DENND4B: variants seen among roughly 807,000 people sequenced by gnomAD.
DENND4B encodes the protein DENN domain containing 4B, also known as DENN domain-containing protein 4B.
Under a neutral mutation model 161.0 loss-of-function variants are expected in DENND4B, and 67 were observed. That is an observed-to-expected ratio of 0.42 (90% CI 0.34 to 0.51). The LOEUF (loss-of-function observed/expected upper bound fraction) is 0.51. Among genes scored for constraint, DENND4B ranks in the 20% least tolerant of loss-of-function variants. The pLI is 0.08. For synonymous variants in DENND4B, 753 were observed against 813.8 expected (o/e 0.93, Z 1.27); for missense variants, 1,481 against 1,968.0 (o/e 0.75, Z 4.68).
rs954147614 is a variant in DENND4B at position 153,937,200 on chromosome 1, C to T, written c.2232+288G>A. ...CAGGCTGCAGCCCTGCCTGGAGCCC[C>T]GTGCAGAGAGGCTGGCCCTTGAGCA... On this transcript the variant is annotated intron_variant, in intron 15 of 27. Transcript: ENST00000361217. This position sits in a 1 kb window ranked among gnomAD's most constrained non-coding sequence, Gnocchi z 4.7. Among the ~76,000 whole-genome samples, 9 of 152,196 alleles carry T rather than the reference C, an allele frequency of 5.9e-5. No individual in the cohort carries two copies. Among genetic ancestry groups the T allele is most frequent in the Non-Finnish European group, 1.0e-4 (7 of 68,032 alleles).
chr1:153,946,842 G>A, upstream of DENND4B: 1 of 347,988 alleles, frequency 2.9e-6, no homozygotes, highest in Non-Finnish European at 5.2e-6. This position sits in a 1 kb window ranked among gnomAD's most constrained non-coding sequence, Gnocchi z 6.3. Flanking sequence ...AGAGGGCCGC[G>A]GCGCGCTCCC....
chr1:153,939,684 G>A lies in DENND4B; in HGVS notation c.1724C>T (p.Ala575Val). ...EVQGAFLRFMACLLKGYRVFL... is the reference protein window; with the variant it reads ...EVQGAFLRFMVCLLKGYRVFL... ...GACCCGGTAGCCCTTGAGCAGACAG[G>A]CCATGAAGCGGAGGAAGGCTCCTTG... Residue 575 changes from alanine (A) to valine (V), a missense_variant, in exon 12 of 28, where the codon GCC (alanine) becomes GTC (valine). Ala to Val is a moderately conservative substitution (Grantham distance 64). Around this residue, in one of 3 missense-constraint regions of DENND4B, gnomAD observed 806 missense variants for 1,134.4 expected, o/e 0.71. Transcript: ENST00000361217. 2 of 1,613,946 alleles carry A rather than the reference G, an allele frequency of 1.2e-6. No individual in the cohort carries two copies. The highest frequency in any genetic ancestry group is 1.7e-6 in the Non-Finnish European group (2 of 1,179,882).
At position 153,942,706 on chromosome 1, in the gene DENND4B, A is replaced by C. The variant is rs896108788; in HGVS notation, c.571-81T>G. ...GTCCACTTTCTCTCTACCACCCCTAAATGTTCTTTTGTCTTTAAAGCTCCC... is the reference window on the plus strand; with the variant it reads ...GTCCACTTTCTCTCTACCACCCCTACATGTTCTTTTGTCTTTAAAGCTCCC... On this transcript the variant is annotated intron_variant, in intron 3 of 27. Transcript: ENST00000361217. This position sits in a 1 kb window ranked among gnomAD's most constrained non-coding sequence, Gnocchi z 6.9. 1.3e-6 allele frequency: 2 copies of C among 1,487,344 alleles called. No homozygotes were observed. Among genetic ancestry groups the C allele is most frequent in the African/African-American group, 1.4e-5 (1 of 70,672 alleles). 92.1% of individuals were successfully genotyped at this position (1,487,344 alleles called of 1,614,324 possible). A position where few individuals can be genotyped will look rare whatever the true frequency, so the allele number is the denominator to read the frequency against.
At position 153,933,814 on chromosome 1, in the gene DENND4B, C is replaced by T. The variant is rs777622537; in HGVS notation, c.2999G>A (p.Gly1000Glu). The change falls in exon 20 of 28, where the codon GGA becomes GAA. Residue 1000 changes from glycine to glutamate, a missense_variant. Around this residue, in one of 3 missense-constraint regions of DENND4B, gnomAD observed 339 missense variants for 330.3 expected, o/e 1.03. Transcript: ENST00000361217. This position sits in a 1 kb window ranked among gnomAD's most constrained non-coding sequence, Gnocchi z 5.7. ...PRGSPVPWHD[G>E]SLSDLSLTGE... Reference sequence around the variant, plus strand: ...TGTCAGGCTCAGGTCTGAGAGACTTCCATCGTGCCAGGGCACAGGTGATCC... The same window carrying T: ...TGTCAGGCTCAGGTCTGAGAGACTTTCATCGTGCCAGGGCACAGGTGATCC... 3 of 1,613,062 alleles carry T rather than the reference C, an allele frequency of 1.9e-6. No homozygotes were observed. The Admixed American group carries it at 5.0e-5, about 27-fold the overall frequency.
Position 153,932,466 on chromosome 1 carries a change from G to A in DENND4B, c.3760-26C>T, listed in dbSNP as rs1234550288. The A allele has an allele frequency of 5.7e-6, 9 of 1,584,728 alleles. No homozygotes were observed. The Admixed American group carries it at 1.1e-4, about 19-fold the overall frequency. On this transcript the variant is annotated intron_variant, in intron 23 of 27. Coordinates refer to ENST00000361217, the MANE Select transcript of DENND4B (RefSeq NM_014856.3). The surrounding 1 kb of genome is among the most constrained non-coding windows in gnomAD (Gnocchi z 5.8). Reference sequence around the variant, plus strand: ...CTATCAGGCACAAAGGGGGAGGGCAGTAGAGGGCATGTACATCCCCAGAGC... The same window carrying A: ...CTATCAGGCACAAAGGGGGAGGGCAATAGAGGGCATGTACATCCCCAGAGC...
In DENND4B at chr1:153,942,758, G is replaced by T; in HGVS notation, c.570+120C>A. On this transcript the variant is annotated intron_variant, in intron 3 of 27. Coordinates refer to ENST00000361217, the MANE Select transcript of DENND4B (RefSeq NM_014856.3). This position sits in a 1 kb window ranked among gnomAD's most constrained non-coding sequence, Gnocchi z 6.9. ...TTAATCCCAGTGCCCCAAGACCAGA[G>T]TTACCCCTCTGGACTCACCCCTGTG... The T allele has an allele frequency of 1.3e-6, 2 of 1,482,764 alleles. No individual in the cohort carries two copies. Among genetic ancestry groups the T allele is most frequent in the South Asian group, 2.8e-5 (2 of 71,622 alleles). The allele number at this position is 1,482,764 out of a possible 1,614,324, so 91.9% of individuals were successfully genotyped here.
intron 17 of DENND4B, 116 bp from the exon 18 acceptor site, chr1:153,935,080 G>T: frequency 6.7e-7 from 1 of 1,500,458 alleles, no homozygotes; most frequent in African/African-American, 1.4e-5. Flanking sequence ...ATCCTGTCTA[G>T]GACTGTCCGG....
rs1177242127 is a variant in DENND4B at position 153,932,334 on chromosome 1, G to A, written c.3866C>T (p.Ala1289Val). 3.1e-6 allele frequency: 5 copies of A among 1,613,774 alleles called. No homozygotes were observed. The highest frequency in any genetic ancestry group is 1.1e-5 in the South Asian group (1 of 91,066). ...GTGGGCAGAGGGCAGTTCAGGCAAC[G>A]CCAGCACCTCACTGCCCTCGTTCTC... is the stretch of plus-strand genomic sequence containing the variant. ...LVENEGSEVL[A>V]LPELPSAHPI... The change falls in exon 24 of 28, where the codon GCG becomes GTG. Residue 1289 changes from alanine to valine, a missense_variant. Ala to Val is a moderately conservative substitution (Grantham distance 64). Around this residue, in one of 3 missense-constraint regions of DENND4B, gnomAD observed 336 missense variants for 503.3 expected, o/e 0.67. Coordinates refer to ENST00000361217, the MANE Select transcript of DENND4B (RefSeq NM_014856.3). The surrounding 1 kb of genome is among the most constrained non-coding windows in gnomAD (Gnocchi z 5.8).
rs1339409400 is a variant in DENND4B, at chr1:153,941,398, T to TGGGGA, written c.1093_1097dup (p.Gln367ProfsTer8). 3 of 1,613,160 alleles carry TGGGGA rather than the reference T, an allele frequency of 1.9e-6. No individual in the cohort carries two copies. The highest frequency in any genetic ancestry group is 2.5e-6 in the Non-Finnish European group (3 of 1,179,680). Reference sequence around the variant, plus strand: ...CCTGCACTAGGATGCGGGGTCTCTGTGGGGAAGGGAAGGGAACGTTGTGAA... The same window carrying TGGGGA: ...CCTGCACTAGGATGCGGGGTCTCTGTGGGGAGGGGAAGGGAAGGGAACGTTGTGAA... On this transcript the variant is annotated frameshift_variant, in exon 7 of 28. Coordinates refer to ENST00000361217, the MANE Select transcript of DENND4B (RefSeq NM_014856.3). LOFTEE classifies it high-confidence loss of function.
Position 153,933,676 on chromosome 1 carries a change from C to G in DENND4B, c.3137G>C (p.Arg1046Pro). Residue 1046 changes from arginine to proline, a missense_variant, in exon 20 of 28, where the codon CGA becomes CCA. Arg to Pro is a moderately radical substitution (Grantham distance 103). Coordinates refer to ENST00000361217, the MANE Select transcript of DENND4B (RefSeq NM_014856.3). This position sits in a 1 kb window ranked among gnomAD's most constrained non-coding sequence, Gnocchi z 5.7. ...TCGGGGGGTGCCTGCCTCATCCTGT[C>G]GCCCACCAGCCTTGGGTCCCCGCCC... ...LSGRGPKAGG[R>P]QDEAGTPRRG... The G allele has an allele frequency of 3.2e-6, 5 of 1,571,094 alleles. No homozygotes were observed. The highest frequency in any genetic ancestry group is 4.3e-6 in the Non-Finnish European group (5 of 1,159,470).
upstream of DENND4B, chr1:153,946,801 CG>C: frequency 2.8e-6 from 1 of 363,548 alleles, no homozygotes; most frequent in Non-Finnish European, 4.9e-6. The surrounding 1 kb of genome is among the most constrained non-coding windows in gnomAD (Gnocchi z 6.3). Context: ...CCATCCAGCC[CG>C]TGCCTCAGGA....
chr1:153,945,256 T>G (rs1571062462), intron 1 of DENND4B: 1 of 1,033,874 alleles, frequency 9.7e-7, no homozygotes, highest in Middle Eastern at 2.7e-4. Flanking sequence ...GCGTGGGGGG[T>G]GCTTCAGAGG....
chr1:153,937,332 T>C lies in DENND4B; in HGVS notation c.2232+156A>G, dbSNP rs1679404623. 2.0e-5 allele frequency among the ~76,000 whole-genome samples: 3 copies of C among 152,222 alleles called. 1 individual carries two copies. The South Asian group carries it at 6.2e-4, about 31-fold the overall frequency. On this transcript the variant is annotated intron_variant, in intron 15 of 27. Transcript: ENST00000361217. The surrounding 1 kb of genome is among the most constrained non-coding windows in gnomAD (Gnocchi z 4.7). ...TGACAGTGATAATAGCAACTAATGT[T>C]TATACAGGGTTGCTTATGTGCCAAG...
In DENND4B at chr1:153,933,341, T is replaced by C. The variant is rs1679085418; in HGVS notation, c.3331-22A>G. On this transcript the variant is annotated intron_variant, in intron 20 of 27. Transcript: ENST00000361217. The surrounding 1 kb of genome is among the most constrained non-coding windows in gnomAD (Gnocchi z 5.7). ...AGCTCTACCATGACATGAGAAACCA[T>C]GGTCAGCCAACCCCATGCTCTTCCA... The C allele has an allele frequency of 6.2e-7, 1 of 1,613,074 alleles. No individual in the cohort carries two copies. Among genetic ancestry groups the C allele is most frequent in the Non-Finnish European group, 8.5e-7 (1 of 1,179,628 alleles).
rs1679441844 is a variant in DENND4B at position 153,937,933 on chromosome 1, A to G, written c.1966-70T>C. 2 of 1,596,486 alleles carry G rather than the reference A, an allele frequency of 1.3e-6. No homozygotes were observed. Among genetic ancestry groups the G allele is most frequent in the Non-Finnish European group, 8.6e-7 (1 of 1,168,600 alleles). On this transcript the variant is annotated intron_variant, in intron 13 of 27. Coordinates refer to ENST00000361217, the MANE Select transcript of DENND4B (RefSeq NM_014856.3). This position sits in a 1 kb window ranked among gnomAD's most constrained non-coding sequence, Gnocchi z 4.7. ...GGAGCAGAGCCAGGGTGTCTAGACGATGGCATCTCCCAGGAAAGCTCATCC... is the reference window on the plus strand; with the variant it reads ...GGAGCAGAGCCAGGGTGTCTAGACGGTGGCATCTCCCAGGAAAGCTCATCC...
In DENND4B at chr1:153,933,189, A is replaced by C; in HGVS notation, c.3453+8T>G. ...CAAGCACATCTGTGTGGGAGGGGTT[A>C]TCCTCACTTCCAGGGAAGGTGACTG... On this transcript the variant is annotated splice_region_variant and intron_variant, in intron 21 of 27. Transcript: ENST00000361217. The surrounding 1 kb of genome is among the most constrained non-coding windows in gnomAD (Gnocchi z 5.7). The C allele has an allele frequency of 6.2e-7, 1 of 1,612,886 alleles. No individual in the cohort carries two copies. The highest frequency in any genetic ancestry group is 8.5e-7 in the Non-Finnish European group (1 of 1,179,470).
intron 11 of DENND4B, 50 bp from the exon 12 acceptor site, chr1:153,939,854 C>A: frequency 6.4e-7 from 1 of 1,571,178 alleles, no homozygotes. Context: ...ATAGTGTTAC[C>A]CTCAACTCTG....
At position 153,934,871 on chromosome 1, in the gene DENND4B, G is replaced by A. The variant is rs530088376; in HGVS notation, c.2662C>T (p.Arg888Cys). The A allele has an allele frequency of 1.8e-5, 29 of 1,613,622 alleles. No individual in the cohort carries two copies. Among genetic ancestry groups the A allele is most frequent in the Middle Eastern group, 3.3e-4 (2 of 6,060 alleles). ...RNVVLGAAQF[R>C]QPLRERQQQQ... ...TGTTGCCGTTCTCTCAAGGGCTGGC[G>A]GAACTGAGCAGCCCCCAGGACAACA... The change falls in exon 18 of 28, where the codon CGC becomes TGC. Residue 888 changes from arginine to cysteine, a missense_variant. Arg to Cys is a radical substitution (Grantham distance 180, BLOSUM62 -3). Around this residue, in one of 3 missense-constraint regions of DENND4B, gnomAD observed 339 missense variants for 330.3 expected, o/e 1.03. Transcript: ENST00000361217. The surrounding 1 kb of genome is among the most constrained non-coding windows in gnomAD (Gnocchi z 5.3).
chr1:153,936,430 G>A lies in DENND4B; in HGVS notation c.2439+112C>T. On this transcript the variant is annotated intron_variant, in intron 16 of 27. Transcript: ENST00000361217. The surrounding 1 kb of genome is among the most constrained non-coding windows in gnomAD (Gnocchi z 4.1). ...TTTATAGATAATCTGCCCAGCTCTG[G>A]GGCTCTGCAACTTCTTTCCTTAGTC... 1 of 1,269,114 alleles carries A rather than the reference G, an allele frequency of 7.9e-7. No homozygotes were observed. The highest frequency in any genetic ancestry group is 1.1e-6 in the Non-Finnish European group (1 of 927,898). The allele number at this position is 1,269,114 out of a possible 1,614,324, so 78.6% of individuals were successfully genotyped here.
Sources: allele counts gnomAD v4.1 joint callset (sites outside exome capture counted in the v4.1 genomes callset), GRCh38; gene constraint gnomAD v4.1.1; regional missense constraint gnomAD v4.1.1; non-coding constraint Gnocchi (gnomAD v3.1); transcripts MANE v1.5; gene names NCBI Gene and HGNC (gene_info 2026-07-23, HGNC 2026-07-21).